CPQ: variants seen among roughly 807,000 people sequenced by gnomAD.
CPQ encodes the protein Ser-Met dipeptidase.
A neutral mutation model predicts 45.7 loss-of-function variants in CPQ; 37 were observed. The observed-to-expected ratio is 0.81, with a 90% CI of 0.62 to 1.07. CPQ has a LOEUF of 1.07. Among genes scored for constraint, CPQ ranks in the 50% least tolerant of loss-of-function variants. The pLI is 0.00. For synonymous variants in CPQ, 186 were observed against 205.8 expected (o/e 0.90, Z 0.82); for missense variants, 537 against 572.9 (o/e 0.94, Z 0.64).
chr8:97,118,408 G>C (rs1811632941), intron 7 of CPQ, among the ~76,000 whole-genome samples: 1 of 152,008 alleles, frequency 6.6e-6, no homozygotes, highest in Non-Finnish European at 1.5e-5. Flanking sequence ...TGAAAGCATA[G>C]GTAGGAATTT....
intron 1 of CPQ, among the ~76,000 whole-genome samples, chr8:96,755,565 G>A (rs879943911): frequency 2.0e-5 from 3 of 151,614 alleles, no homozygotes; most frequent in Non-Finnish European, 4.4e-5. Flanking sequence ...AAGTCCTGAG[G>A]TTAATCATGT....
At chr8:97,115,658 C>T (rs1440876680) in intron 7 of CPQ, among the ~76,000 whole-genome samples, 2 of 152,168 alleles carry the variant, frequency 1.3e-5, no homozygotes, top group Non-Finnish European at 2.9e-5. Context: ...TTGGGCATGG[C>T]TGTATGTACC....
intron 2 of CPQ, among the ~76,000 whole-genome samples, chr8:96,799,965 A>G (rs1346870169): frequency 6.6e-6 from 1 of 152,200 alleles, no homozygotes; most frequent in Non-Finnish European, 1.5e-5. Context: ...TCCTATGCAC[A>G]CAAACATGAC....
intron 1 of CPQ, among the ~76,000 whole-genome samples, chr8:96,767,969 C>A (rs1810491071): frequency 2.0e-5 from 3 of 151,898 alleles, no homozygotes; most frequent in Non-Finnish European, 4.4e-5. Flanking sequence ...CTAGTTCTTT[C>A]CTCCCTTCTC....
chr8:96,744,157 G>C (rs932658224), intron 1 of CPQ, among the ~76,000 whole-genome samples: 17 of 144,540 alleles, frequency 1.2e-4, no homozygotes, highest in East Asian at 2.0e-4. Context: ...CTCTGAGCCA[G>C]GTGCGGGATA....
intron 3 of CPQ, among the ~76,000 whole-genome samples, chr8:96,842,671 A>T (rs1811628111): frequency 6.6e-6 from 1 of 152,116 alleles, no homozygotes; most frequent in African/African-American, 2.4e-5. Context: ...AATGTTCTTT[A>T]ATCACTGGAT....
intron 1 of CPQ, among the ~76,000 whole-genome samples, chr8:96,688,342 G>C (rs991143439): frequency 1.3e-5 from 2 of 151,954 alleles, no homozygotes; most frequent in African/African-American, 4.8e-5. Context: ...TTATTGATTT[G>C]TCGTATTCTT....
chr8:96,725,908 AAAAT>A (rs1809831868), intron 1 of CPQ, among the ~76,000 whole-genome samples: 2 of 152,338 alleles, frequency 1.3e-5, no homozygotes, highest in Admixed American at 1.3e-4. Context: ...ACAGCCATAA[AAAAT>A]AAATAATGAA....
At chr8:96,683,108 TCTTA>T (rs1809173680) in intron 1 of CPQ, among the ~76,000 whole-genome samples, 2 of 152,174 alleles carry the variant, frequency 1.3e-5, no homozygotes, top group Non-Finnish European at 2.9e-5. Flanking sequence ...CATTTGTGTA[TCTTA>T]CTTTTATACT....
intron 1 of CPQ, among the ~76,000 whole-genome samples, chr8:96,743,023 G>T (rs1201892002): frequency 1.3e-5 from 2 of 152,116 alleles, no homozygotes; most frequent in Non-Finnish European, 2.9e-5. Context: ...ATGTTGGCCT[G>T]CCTTGCTAGA....
chr8:96,819,066 C>G (rs1811265572), intron 2 of CPQ, among the ~76,000 whole-genome samples: 1 of 152,014 alleles, frequency 6.6e-6, no homozygotes, highest in Non-Finnish European at 1.5e-5. Context: ...TACTCCGTAA[C>G]TGAAAAACTA....
intron 4 of CPQ, among the ~76,000 whole-genome samples, chr8:96,932,580 C>T (rs576633516): frequency 1.3e-5 from 2 of 152,302 alleles, no homozygotes; most frequent in East Asian, 3.9e-4. Flanking sequence ...CTTGCCTACT[C>T]ATAACAACCC....
chr8:96,865,685 C>T (rs538781633), intron 3 of CPQ, among the ~76,000 whole-genome samples: 15 of 152,074 alleles, frequency 9.9e-5, no homozygotes, highest in African/African-American at 3.6e-4. Context: ...AAAATAGACC[C>T]GTGGGGTTTG....
rs529800161 is a variant in CPQ at position 96,656,877 on chromosome 8, C to T, written c.-35+11475C>T. ...TGCACACTGGTCCCTGTGAGCTCTG[C>T]CTCCTTTCTTTGTTTATACCTAACC... On this transcript the variant is annotated intron_variant, in intron 1 of 7. Coordinates refer to ENST00000220763, the MANE Select transcript of CPQ (RefSeq NM_016134.4). Among the ~76,000 whole-genome samples the T allele has an allele frequency of 2.6e-4, 40 of 152,260 alleles. No individual in the cohort carries two copies. The East Asian group carries it at 7.0e-3, about 27-fold the overall frequency.
At chr8:96,742,023 G>A (rs1245609313) in intron 1 of CPQ, among the ~76,000 whole-genome samples, 1 of 143,542 alleles carries the variant, frequency 7.0e-6, no homozygotes, top group African/African-American at 2.6e-5. Flanking sequence ...CAATTCCTGG[G>A]TATCCTTGTT....
chr8:96,743,353 T>C (rs1376480576), intron 1 of CPQ, among the ~76,000 whole-genome samples: 2 of 151,542 alleles, frequency 1.3e-5, no homozygotes, highest in South Asian at 2.1e-4. Flanking sequence ...TTCTCTGTAT[T>C]GGTTATTCTA....
At chr8:96,789,113 T>G (rs1292528428) in intron 2 of CPQ, among the ~76,000 whole-genome samples, 2 of 152,110 alleles carry the variant, frequency 1.3e-5, no homozygotes. Flanking sequence ...TTCTTTGAAG[T>G]GTTTGCTATA....
intron 1 of CPQ, among the ~76,000 whole-genome samples, chr8:96,691,314 A>G (rs1487672370): frequency 6.6e-6 from 1 of 152,066 alleles, no homozygotes; most frequent in African/African-American, 2.4e-5. Flanking sequence ...TCTGTCTCTT[A>G]TAAGGATACT....
At chr8:96,986,770 C>G (rs1167397575) in intron 5 of CPQ, among the ~76,000 whole-genome samples, 1 of 152,110 alleles carries the variant, frequency 6.6e-6, no homozygotes, top group Admixed American at 6.6e-5. Flanking sequence ...ATAAATAATA[C>G]AGTTCTATTA....
Sources: gnomAD v4.1 joint callset for allele counts (sites outside exome capture counted in the v4.1 genomes callset) on GRCh38, gnomAD v4.1.1 for gene constraint, MANE v1.5 for transcripts, NCBI Gene and HGNC (gene_info 2026-07-23, HGNC 2026-07-21) for gene names.